ADAM12: variants seen among roughly 807,000 people sequenced by gnomAD.
ADAM12 encodes ADAM metallopeptidase domain 12.
A neutral mutation model predicts 106.4 loss-of-function variants in ADAM12; 70 were observed. The observed-to-expected ratio is 0.66, with a 90% CI of 0.54 to 0.80. The LOEUF is 0.80. Among genes scored for constraint, ADAM12 ranks in the 30% least tolerant of loss-of-function variants. ADAM12 has a pLI of 0.00. For missense variants in ADAM12, 1,010 were observed against 1,171.9 expected, an observed-to-expected ratio of 0.86 and a Z score of 2.02; for synonymous variants, 420 against 433.5, an observed-to-expected ratio of 0.97 and a Z score of 0.39.
chr10:126,180,531 TAA>T (rs1957294560), intron 3 of ADAM12, among the ~76,000 whole-genome samples: 2 of 152,130 alleles, frequency 1.3e-5, no homozygotes. Flanking sequence ...CTGTAAAAGG[TAA>T]GCTTGATAAT....
At chr10:126,292,809 T>C (rs1960213841) in intron 2 of ADAM12, among the ~76,000 whole-genome samples, 2 of 152,232 alleles carry the variant, frequency 1.3e-5, no homozygotes, top group Non-Finnish European at 2.9e-5. Flanking sequence ...TCATTTTATG[T>C]GTTACGAAAT....
At chr10:126,218,060 T>G (rs1240254636) in intron 3 of ADAM12, among the ~76,000 whole-genome samples, 6 of 149,948 alleles carry the variant, frequency 4.0e-5, no homozygotes, top group Non-Finnish European at 7.4e-5. Context: ...TAAATAAGGA[T>G]TTTTTGGTAC....
At chr10:126,269,685 C>A (rs753587653) in intron 3 of ADAM12, among the ~76,000 whole-genome samples, 1 of 152,130 alleles carries the variant, frequency 6.6e-6, no homozygotes, top group African/African-American at 2.4e-5. Flanking sequence ...GGGAAAGGAG[C>A]TTAAGGCTGC....
At chr10:126,166,863 A>G (rs1034621975) in intron 3 of ADAM12, among the ~76,000 whole-genome samples, 10 of 152,184 alleles carry the variant, frequency 6.6e-5, no homozygotes, top group Non-Finnish European at 1.5e-4. Flanking sequence ...TAAGAACAAA[A>G]AAATAGGGCC....
intron 1 of ADAM12, among the ~76,000 whole-genome samples, chr10:126,360,119 G>T (rs1288568574): frequency 6.6e-6 from 1 of 152,120 alleles, no homozygotes; most frequent in Non-Finnish European, 1.5e-5. Context: ...CAAGTCCCTA[G>T]GCTGCACACA....
Position 126,014,664 on chromosome 10 carries a change from A to G in ADAM12, c.*2615T>C, listed in dbSNP as rs1019553890. 4.6e-5 allele frequency: 7 copies of G among 152,142 alleles called. No individual in the cohort carries two copies. Among genetic ancestry groups the G allele is most frequent in the African/African-American group, 1.7e-4 (7 of 41,424 alleles). 9.4% of individuals were successfully genotyped at this position (152,142 alleles called of 1,614,324 possible). On this transcript the variant is annotated 3_prime_UTR_variant, in exon 23 of 23. Transcript: ENST00000448723. ...AAAAATTTCAGGAGACAAACCTTTC[A>G]GCGGAATTGCCTGGAACCCATGAAG...
intron 1 of ADAM12, among the ~76,000 whole-genome samples, chr10:126,387,376 G>A (rs999922149): frequency 6.6e-6 from 1 of 152,220 alleles, no homozygotes; most frequent in African/African-American, 2.4e-5. Context: ...AGTTGATGGG[G>A]GCGATTATTT....
In ADAM12 at chr10:126,174,008, A is replaced by ATT. The variant is rs200354475; in HGVS notation, c.261-18705_261-18704dup. Among the ~76,000 whole-genome samples, 133 of 90,466 alleles carry ATT rather than the reference A, an allele frequency of 1.5e-3. 20 individuals carry two copies. The highest frequency in any genetic ancestry group is 6.5e-3 in the Middle Eastern group (1 of 154). The allele number at this position is 90,466 out of a possible 152,430, so 59.3% of individuals were successfully genotyped here. A position where few individuals can be genotyped will look rare whatever the true frequency, so the allele number is the denominator to read the frequency against. Reference sequence around the variant, plus strand: ...TTTTATCCAGATTCATCTGTTGTTGATTTTTTTTTTTTTTTTTTTTTTTTT... The same window carrying ATT: ...TTTTATCCAGATTCATCTGTTGTTGATTTTTTTTTTTTTTTTTTTTTTTTTTT... On this transcript the variant is annotated intron_variant, in intron 3 of 22. Coordinates refer to ENST00000448723, the MANE Select transcript of ADAM12 (RefSeq NM_001288973.2).
intron 5 of ADAM12, among the ~76,000 whole-genome samples, chr10:126,134,324 G>A (rs1469910783): frequency 6.6e-6 from 1 of 152,206 alleles, no homozygotes; most frequent in Non-Finnish European, 1.5e-5. Context: ...ACAGGGTTGG[G>A]TGACAAAAGA....
chr10:126,341,701 G>C (rs1854937464), intron 1 of ADAM12, among the ~76,000 whole-genome samples: 1 of 152,202 alleles, frequency 6.6e-6, no homozygotes, highest in Admixed American at 6.5e-5. Flanking sequence ...TGCCATCATA[G>C]TAGCCTGATA....
intron 11 of ADAM12, among the ~76,000 whole-genome samples, chr10:126,091,666 A>C (rs1006868983): frequency 6.6e-6 from 1 of 152,172 alleles, no homozygotes; most frequent in Non-Finnish European, 1.5e-5. Context: ...ATTTCTACCT[A>C]CGGTGTTCAA....
chr10:126,123,147 ATAAT>A (rs1408501378), intron 5 of ADAM12, among the ~76,000 whole-genome samples: 2 of 152,224 alleles, frequency 1.3e-5, no homozygotes, highest in African/African-American at 2.4e-5. Context: ...TGTCTTGGGT[ATAAT>A]TAATCATTTA....
At chr10:126,214,654 G>A (rs1221156256) in intron 3 of ADAM12, among the ~76,000 whole-genome samples, 1 of 152,170 alleles carries the variant, frequency 6.6e-6, no homozygotes, top group African/African-American at 2.4e-5. Context: ...GTGTGCATTT[G>A]TTTCATGGGA....
chr10:126,260,032 G>A (rs961886195), intron 3 of ADAM12, among the ~76,000 whole-genome samples: 2 of 152,204 alleles, frequency 1.3e-5, no homozygotes, highest in African/African-American at 2.4e-5. Context: ...TGACAGTACT[G>A]CCTGCAAGGT....
At chr10:126,335,177 T>C (rs1854655220) in intron 1 of ADAM12, among the ~76,000 whole-genome samples, 1 of 152,196 alleles carries the variant, frequency 6.6e-6, no homozygotes, top group Non-Finnish European at 1.5e-5. Flanking sequence ...AATGCCAGTG[T>C]ATAAGTGGAT....
chr10:126,223,100 G>A (rs538531280), intron 3 of ADAM12, among the ~76,000 whole-genome samples: 6 of 152,196 alleles, frequency 3.9e-5, no homozygotes, highest in South Asian at 2.1e-4. Flanking sequence ...TTTGCCTATC[G>A]TTTTTCCTAT....
chr10:126,247,974 G>C (rs1958662287), intron 3 of ADAM12, among the ~76,000 whole-genome samples: 1 of 152,234 alleles, frequency 6.6e-6, no homozygotes, highest in African/African-American at 2.4e-5. Context: ...AATCAGAATG[G>C]TGTCTGTGGG....
rs1334827298 is a variant in ADAM12 at position 126,362,290 on chromosome 10, A to G, written c.88+25768T>C. Among the ~76,000 whole-genome samples, 3 of 152,282 alleles carry G rather than the reference A, an allele frequency of 2.0e-5. No individual in the cohort carries two copies. The East Asian group carries it at 5.8e-4, about 29-fold the overall frequency. ...TTATCAAAAAGACAAAAGATAACGAATGTTAGCGAGGATGTGAAGAAAAGA... is the reference window on the plus strand; with the variant it reads ...TTATCAAAAAGACAAAAGATAACGAGTGTTAGCGAGGATGTGAAGAAAAGA... On this transcript the variant is annotated intron_variant, in intron 1 of 22. Transcript: ENST00000448723.
At chr10:126,236,820 T>C (rs1196459903) in intron 3 of ADAM12, among the ~76,000 whole-genome samples, 3 of 152,040 alleles carry the variant, frequency 2.0e-5, no homozygotes, top group African/African-American at 7.2e-5. Flanking sequence ...TCTCTGAGGA[T>C]GGAGAAACCC....
Sources: gnomAD v4.1 joint callset for allele counts (sites outside exome capture counted in the v4.1 genomes callset) on GRCh38, gnomAD v4.1.1 for gene constraint, MANE v1.5 for transcripts, NCBI Gene and HGNC (gene_info 2026-07-23, HGNC 2026-07-21) for gene names.